CCM2: variants seen among roughly 807,000 people sequenced by gnomAD.
CCM2 encodes the protein CCM2 scaffold protein.
A neutral mutation model predicts 44.9 loss-of-function variants in CCM2; 25 were observed. That is an observed-to-expected ratio of 0.56 (90% CI 0.41 to 0.78). The LOEUF is 0.78. Among genes scored for constraint, CCM2 ranks in the 30% least tolerant of loss-of-function variants. The pLI is 0.00. For missense variants in CCM2, 481 were observed against 580.6 expected (o/e 0.83, Z 1.76); for synonymous variants, 219 against 241.1 (o/e 0.91, Z 0.85).
intron 1 of CCM2, among the ~76,000 whole-genome samples, chr7:45,012,669 C>G (rs1235976718): frequency 6.6e-6 from 1 of 152,064 alleles, no homozygotes; most frequent in Non-Finnish European, 1.5e-5. Flanking sequence ...GATCTTCTGC[C>G]TCAGCCTCCC....
In CCM2 at chr7:45,032,420, T is replaced by C. The variant is rs186578230; in HGVS notation, c.31-5833T>C. Among the ~76,000 whole-genome samples, 9 of 152,258 alleles carry C rather than the reference T, an allele frequency of 5.9e-5. No individual in the cohort carries two copies. The East Asian group carries it at 1.7e-3, about 29-fold the overall frequency. ...GCTAGTCTGTGAGCAGTCAGAAGGT[T>C]GTATCTCCTGTTCATTCCTCTCCTT... On this transcript the variant is annotated intron_variant, in intron 1 of 9. Transcript: ENST00000258781.
chr7:45,018,074 G>C (rs1370506938), intron 1 of CCM2, among the ~76,000 whole-genome samples: 3 of 151,980 alleles, frequency 2.0e-5, no homozygotes, highest in African/African-American at 7.3e-5. Context: ...TTCCATATCA[G>C]ATCATCAGGC....
intron 1 of CCM2, among the ~76,000 whole-genome samples, chr7:45,019,068 T>TC (rs1441843459): frequency 6.8e-6 from 1 of 146,692 alleles, no homozygotes; most frequent in East Asian, 2.0e-4. Context: ...CCTTTTTTTT[T>TC]TTTTTTTTTT....
intron 1 of CCM2, among the ~76,000 whole-genome samples, chr7:45,028,484 C>T (rs548299694): frequency 2.0e-5 from 3 of 152,048 alleles, no homozygotes; most frequent in African/African-American, 7.2e-5. Flanking sequence ...GGTGAAACCC[C>T]GTCTATACTA....
rs1474880770 is a variant in CCM2 at position 45,020,290 on chromosome 7, C to G, written c.31-17963C>G. On this transcript the variant is annotated intron_variant, in intron 1 of 9. Transcript: ENST00000258781. ...TGTTTTTCACATTTTATCTAGAGTT[C>G]ATAATCTCGGTCTGTGAGAAAGTTA... 3.3e-5 allele frequency among the ~76,000 whole-genome samples: 5 copies of G among 152,150 alleles called. No homozygotes were observed. In the South Asian group the frequency reaches 1.0e-3, roughly 32 times the overall value.
Position 45,048,223 on chromosome 7 carries a change from T to C in CCM2, c.204+9797T>C, listed in dbSNP as rs1022786748. Among the ~76,000 whole-genome samples the C allele has an allele frequency of 2.0e-5, 3 of 152,372 alleles. No homozygotes were observed. The South Asian group carries it at 6.2e-4, about 32-fold the overall frequency. On this transcript the variant is annotated intron_variant, in intron 2 of 9. Transcript: ENST00000258781. Reference sequence around the variant, plus strand: ...TTAGTAAAGGAGATTGTTGTTGTTTTGTTTTACAATTTTTTGAACTTTATT... The same window carrying C: ...TTAGTAAAGGAGATTGTTGTTGTTTCGTTTTACAATTTTTTGAACTTTATT...
intron 2 of CCM2, among the ~76,000 whole-genome samples, chr7:45,047,915 A>G (rs983183595): frequency 6.6e-6 from 1 of 152,222 alleles, no homozygotes; most frequent in African/African-American, 2.4e-5. Flanking sequence ...TAAAAGTTTA[A>G]TTATAAAGAA....
intron 1 of CCM2, among the ~76,000 whole-genome samples, chr7:45,024,245 GATA>G (rs1489473034): frequency 2.0e-5 from 3 of 152,204 alleles, no homozygotes; most frequent in Admixed American, 2.0e-4. Flanking sequence ...CTCTTCAGCT[GATA>G]ATAACTTCTG....
intron 1 of CCM2, among the ~76,000 whole-genome samples, chr7:45,009,300 CAAAAA>C (rs774413571): frequency 5.0e-5 from 1 of 20,168 alleles, no homozygotes; most frequent in Non-Finnish European, 9.1e-5. Flanking sequence ...GCCTCTGTCT[CAAAAA>C]AAAAAAAAAA....
Position 45,076,305 on chromosome 7 carries a change from T to G in CCM2, c.*248T>G. On this transcript the variant is annotated 3_prime_UTR_variant, in exon 10 of 10. Coordinates refer to ENST00000258781, the MANE Select transcript of CCM2 (RefSeq NM_031443.4). ...GGGCTCAGCCAAGCCCTGCAGTGTGTCCCCGCTCGGGGAGGGCCCGGCCGA... is the reference window on the plus strand; with the variant it reads ...GGGCTCAGCCAAGCCCTGCAGTGTGGCCCCGCTCGGGGAGGGCCCGGCCGA... 1.5e-6 allele frequency: 1 copy of G among 672,962 alleles called. No individual in the cohort carries two copies. 41.7% of individuals were successfully genotyped at this position (672,962 alleles called of 1,614,324 possible).
At chr7:45,011,890 G>T (rs1459482947) in intron 1 of CCM2, among the ~76,000 whole-genome samples, 1 of 151,994 alleles carries the variant, frequency 6.6e-6, no homozygotes, top group African/African-American at 2.4e-5. Context: ...TAGAGTATCA[G>T]TATTTTAGTA....
chr7:45,040,031 GAAAAC>G (rs1014278203), intron 2 of CCM2, among the ~76,000 whole-genome samples: 6 of 151,270 alleles, frequency 4.0e-5, no homozygotes, highest in South Asian at 4.2e-4. Context: ...TATGTCAAAA[GAAAAC>G]AAAACAAAAC....
intron 2 of CCM2, chr7:45,043,753 T>C (rs1171801893): frequency 5.0e-6 from 2 of 396,636 alleles, no homozygotes; most frequent in Admixed American, 7.0e-5. Context: ...TTTCATGCCC[T>C]TTCATTTTTC....
At chr7:45,071,535 A>G (rs1799072278) in intron 6 of CCM2, 1 of 317,756 alleles carries the variant, frequency 3.1e-6, no homozygotes, top group African/African-American at 2.2e-5. Context: ...TCTCTACTAC[A>G]GCTATGCCAA....
intron 1 of CCM2, among the ~76,000 whole-genome samples, chr7:45,036,608 T>C (rs1327616447): frequency 6.6e-6 from 1 of 152,152 alleles, no homozygotes; most frequent in Non-Finnish European, 1.5e-5. Context: ...CAATTTCTGC[T>C]TTTTTCAGGA....
chr7:45,027,431 A>G (rs1796738054), intron 1 of CCM2: 2 of 542,918 alleles, frequency 3.7e-6, no homozygotes, highest in South Asian at 4.1e-5. Flanking sequence ...TCTGCTGGAA[A>G]TGCAGGGAGG....
intron 1 of CCM2, among the ~76,000 whole-genome samples, chr7:45,023,348 G>A (rs940469938): frequency 1.3e-5 from 2 of 152,060 alleles, no homozygotes; most frequent in African/African-American, 4.8e-5. Context: ...TCAGGAGTTC[G>A]AGACCAGCCT....
intron 2 of CCM2, among the ~76,000 whole-genome samples, chr7:45,062,692 G>A (rs142159823): frequency 1.4e-3 from 210 of 152,196 alleles, no homozygotes; most frequent in African/African-American, 4.7e-3. Flanking sequence ...CAGGCGTGGT[G>A]ACACACACCT....
chr7:45,073,142 C>T (rs551749607), intron 7 of CCM2: 33 of 573,254 alleles, frequency 5.8e-5, no homozygotes, highest in Middle Eastern at 9.5e-4. Flanking sequence ...TTCACCCACT[C>T]GCGCTCTCCA....
Sources: allele counts gnomAD v4.1 joint callset (sites outside exome capture counted in the v4.1 genomes callset), GRCh38; gene constraint gnomAD v4.1.1; transcripts MANE v1.5; gene names NCBI Gene and HGNC (gene_info 2026-07-23, HGNC 2026-07-21).